MAST3: variants seen among roughly 807,000 people sequenced by gnomAD.
MAST3 encodes the protein microtubule-associated serine/threonine-protein kinase 3.
A neutral mutation model predicts 127.0 loss-of-function variants in MAST3; 43 were observed. The ratio of observed to expected loss-of-function variants is 0.34; its 90% confidence interval spans 0.27 to 0.44. The LOEUF is 0.44. Ranked by LOEUF, MAST3 falls within the 20% of genes least tolerant of loss-of-function variation. MAST3 has a pLI of 1.00. For missense variants in MAST3, 1,390 were observed against 1,919.1 expected, an observed-to-expected ratio of 0.72 and a Z score of 5.15; for synonymous variants, 785 against 809.2, an observed-to-expected ratio of 0.97 and a Z score of 0.51.
At position 18,143,924 on chromosome 19, in the gene MAST3, C is replaced by G. The variant is rs755122220; in HGVS notation, c.2501C>G (p.Pro834Arg). The part of the protein sequence containing the change: ...DEGVGPGPAG[P>R]KRPVFILGEP... The stretch of plus-strand genomic sequence containing the variant: ...GGGGTAGGCCCAGGCCCTGCAGGCC[C>G]CAAGAGGCCCGTCTTCATTCTAGGG... The change falls in exon 22 of 28, where the codon CCC becomes CGC. Residue 834 changes from proline to arginine, a missense_variant. Physicochemically the swap from Pro to Arg is moderately radical, Grantham distance 103 (BLOSUM62 -2). Around this residue, in one of 5 missense-constraint regions of MAST3, gnomAD observed 816 missense variants for 934.1 expected, o/e 0.87. Coordinates refer to ENST00000687212, the MANE Select transcript of MAST3 (RefSeq NM_001393504.1). 7 of 1,612,960 alleles carry G rather than the reference C, an allele frequency of 4.3e-6. No homozygotes were observed. The East Asian group carries it at 1.3e-4, about 31-fold the overall frequency.
intron 3 of MAST3, chr19:18,118,263 C>T (rs1055223211): frequency 5.4e-5 from 53 of 985,070 alleles, no homozygotes; most frequent in Non-Finnish European, 6.0e-5. Context: ...AGGTAGGGGG[C>T]ACGGCGCCGG....
intron 17 of MAST3, 136 bp downstream of exon 17, chr19:18,135,118 G>A: frequency 1.0e-6 from 1 of 992,366 alleles, no homozygotes; most frequent in South Asian, 1.6e-5. Context: ...GCGGTGGGGT[G>A]CTGAGTGAGG....
chr19:18,143,020 G>A (rs1599883678), intron 21 of MAST3, among the ~76,000 whole-genome samples: 3 of 151,080 alleles, frequency 2.0e-5, no homozygotes, highest in South Asian at 2.1e-4. Flanking sequence ...GCTTAGGCAC[G>A]AGAATTGCTT....
intron 27 of MAST3, among the ~76,000 whole-genome samples, chr19:18,148,674 A>C (rs774785878): frequency 2.6e-5 from 4 of 151,958 alleles, no homozygotes; most frequent in Non-Finnish European, 5.9e-5. Flanking sequence ...AGGCCAAAGC[A>C]GGCGGATCAC....
At chr19:18,108,911 G>T (rs1430418290) in intron 2 of MAST3, among the ~76,000 whole-genome samples, 1 of 152,132 alleles carries the variant, frequency 6.6e-6, no homozygotes, top group Non-Finnish European at 1.5e-5. Flanking sequence ...TGAAGCCAGA[G>T]GGGATACAGA....
intron 3 of MAST3, among the ~76,000 whole-genome samples, chr19:18,121,202 C>T (rs1278687027): frequency 6.6e-6 from 1 of 152,090 alleles, no homozygotes; most frequent in Non-Finnish European, 1.5e-5. Context: ...GTCACCTAGG[C>T]TGGAGTGCTG....
chr19:18,124,097 C>T lies in MAST3; in HGVS notation c.792C>T (p.Thr264=). The change falls in exon 9 of 28, where the codon ACC becomes ACT. Residue 264 remains threonine (T), a synonymous_variant. Transcript: ENST00000687212. ...CLAKSGENLV[T]SRYFLEMQEK... ...CCAAGTCTGGCGAGAACCTCGTCAC[C>T]TCCCGCTACTTCCTAGAGATGCAGG... 3.1e-6 allele frequency: 5 copies of T among 1,611,664 alleles called. No homozygotes were observed. The highest frequency in any genetic ancestry group is 4.2e-6 in the Non-Finnish European group (5 of 1,178,980).
Position 18,144,536 on chromosome 19 carries a change from G to T in MAST3, c.2655G>T (p.Arg885Ser), listed in dbSNP as rs1259482829. Residue 885 changes from arginine to serine, a missense_variant, in exon 23 of 28, where the codon AGG becomes AGT. By Grantham distance (110) the Arg-to-Ser change is moderately radical. Transcript: ENST00000687212. The surrounding 1 kb of genome is among the most constrained non-coding windows in gnomAD (Gnocchi z 4.0). ...NSIGARHSTP[R>S]PLDAGRGRRL... ...TCGGCGCCCGACACTCCACACCAAG[G>T]CCTCTGGATGCCGGCCGGGGCCGCC... 1.2e-6 allele frequency: 2 copies of T among 1,610,482 alleles called. No individual in the cohort carries two copies. The highest frequency in any genetic ancestry group is 1.7e-6 in the Non-Finnish European group (2 of 1,179,404).
chr19:18,103,835 C>G (rs935958002), intron 1 of MAST3, among the ~76,000 whole-genome samples: 5 of 152,090 alleles, frequency 3.3e-5, no homozygotes, highest in African/African-American at 1.2e-4. Context: ...GAAGGAAATG[C>G]CTGGATGGGG....
chr19:18,142,649 CTT>C (rs112135955), intron 21 of MAST3, among the ~76,000 whole-genome samples: 2 of 143,318 alleles, frequency 1.4e-5, no homozygotes, highest in Non-Finnish European at 1.5e-5. Flanking sequence ...TGTGCCCGGC[CTT>C]TTTTTTTTTT....
chr19:18,110,115 T>G lies in MAST3; in HGVS notation c.72-537T>G. 1.0e-6 allele frequency: 1 copy of G among 985,224 alleles called. No homozygotes were observed. The highest frequency in any genetic ancestry group is 1.2e-6 in the Non-Finnish European group (1 of 829,894). 61.0% of individuals were successfully genotyped at this position (985,224 alleles called of 1,614,324 possible). A position where few individuals can be genotyped will look rare whatever the true frequency, so the allele number is the denominator to read the frequency against. ...CTGCCGGGCCGGGCCTGCGCGCAGG[T>G]GCGGAGCTGCGATCCCCGCCCCGAG... On this transcript the variant is annotated intron_variant, in intron 2 of 27. Transcript: ENST00000687212. This position sits in a 1 kb window ranked among gnomAD's most constrained non-coding sequence, Gnocchi z 4.3.
chr19:18,147,631 G>C lies in MAST3; in HGVS notation c.3508+7G>C, dbSNP rs1356707114. ...GCCCCTGATGTCCCAGCAGGTGGGT[G>C]CACCCCGACCCCCCACCACCCCGGC... On this transcript the variant is annotated splice_region_variant and intron_variant, in intron 27 of 27. Transcript: ENST00000687212. 1 of 1,528,364 alleles carries C rather than the reference G, an allele frequency of 6.5e-7. No individual in the cohort carries two copies. Among genetic ancestry groups the C allele is most frequent in the Admixed American group, 2.0e-5 (1 of 49,088 alleles). The allele number at this position is 1,528,364 out of a possible 1,614,324, so 94.7% of individuals were successfully genotyped here.
chr19:18,130,721 G>C lies in MAST3; in HGVS notation c.1432+19G>C. 6.2e-7 allele frequency: 1 copy of C among 1,609,348 alleles called. No homozygotes were observed. Among genetic ancestry groups the C allele is most frequent in the Non-Finnish European group, 8.5e-7 (1 of 1,177,498 alleles). On this transcript the variant is annotated intron_variant, in intron 14 of 27. Coordinates refer to ENST00000687212, the MANE Select transcript of MAST3 (RefSeq NM_001393504.1). ...GTGGAAGGTACGCTCACTGGGGCTT[G>C]CATGCCTCCAGCGATGGGGAGCTCA... is the stretch of plus-strand genomic sequence containing the variant.
chr19:18,130,893 G>C (rs1489941780), intron 14 of MAST3, among the ~76,000 whole-genome samples, 191 bp downstream of exon 14: 1 of 152,224 alleles, frequency 6.6e-6, no homozygotes, highest in Non-Finnish European at 1.5e-5. Context: ...GAGGAGCCCA[G>C]ACAGGAGTGT....
chr19:18,125,178 G>A (rs1003604142), intron 11 of MAST3, among the ~76,000 whole-genome samples: 3 of 152,136 alleles, frequency 2.0e-5, no homozygotes, highest in Non-Finnish European at 2.9e-5. Context: ...CAGAACCACC[G>A]CACTGTTCTT....
At chr19:18,100,128 C>CTCTTTTTTTTTTTTTT (rs776661078) in intron 1 of MAST3, among the ~76,000 whole-genome samples, 4 of 121,716 alleles carry the variant, frequency 3.3e-5, no homozygotes, top group Admixed American at 9.5e-5. Flanking sequence ...CTCTCTCTCT[C>CTCTTTTTTTTTTTTTT]TTTTTTTTTT....
At position 18,144,734 on chromosome 19, in the gene MAST3, C is replaced by G. The variant is rs1407327773; in HGVS notation, c.2812+41C>G. The G allele has an allele frequency of 6.3e-7, 1 of 1,593,066 alleles. No individual in the cohort carries two copies. The highest frequency in any genetic ancestry group is 1.3e-5 in the African/African-American group (1 of 74,872). ...CCTCTCACCTTTGTCTGTCTGCACC[C>G]ATTTTCACCAACAGGGTGGGGGCCC... On this transcript the variant is annotated intron_variant, in intron 23 of 27. Transcript: ENST00000687212. The surrounding 1 kb of genome is among the most constrained non-coding windows in gnomAD (Gnocchi z 4.0).
chr19:18,130,838 AC>A, intron 14 of MAST3, 136 bp downstream of exon 14: 1 of 894,142 alleles, frequency 1.1e-6, no homozygotes, highest in South Asian at 1.6e-5. Flanking sequence ...ACCCTCAGGA[AC>A]CCCAGTCTGG....
Position 18,110,680 on chromosome 19 carries a change from C to T in MAST3, c.100C>T (p.Leu34=). 9.1e-6 allele frequency: 9 copies of T among 985,972 alleles called. No individual in the cohort carries two copies. The highest frequency in any genetic ancestry group is 1.1e-5 in the Non-Finnish European group (9 of 830,012). The allele number at this position is 985,972 out of a possible 1,614,324, so 61.1% of individuals were successfully genotyped here. ...GTCTCCGAGCAGCCAGAGCCCGTCC[C>T]TGCTGGGTCCCAGCAGCCCCTGCAG... The part of the protein sequence containing the change: ...GLSPSSQSPS[L]LGPSSPCSPC... Residue 34 remains leucine (L), a synonymous_variant, in exon 3 of 28, where the codon CTG becomes TTG. Transcript: ENST00000687212. This position sits in a 1 kb window ranked among gnomAD's most constrained non-coding sequence, Gnocchi z 4.3.
Sources: gnomAD v4.1 joint callset for allele counts (sites outside exome capture counted in the v4.1 genomes callset) on GRCh38, gnomAD v4.1.1 for gene constraint, gnomAD v4.1.1 regional missense constraint, Gnocchi (gnomAD v3.1) non-coding constraint, MANE v1.5 for transcripts, NCBI Gene and HGNC (gene_info 2026-07-23, HGNC 2026-07-21) for gene names.